RANBP2: variants seen among roughly 807,000 people sequenced by gnomAD.
The protein encoded by RANBP2 is RAN binding protein 2.
RANBP2 carries 57 observed loss-of-function variants against 303.6 expected under a neutral mutation model. The ratio of observed to expected loss-of-function variants is 0.19; its 90% CI spans 0.15 to 0.23. The LOEUF (loss-of-function observed/expected upper bound fraction) is 0.23. Ranked by LOEUF, RANBP2 falls within the 10% of genes least tolerant of loss-of-function variation. The probability of loss-of-function intolerance (pLI) is 1.00; values close to 1 mark genes in which losing one functional copy is unlikely to be tolerated. For synonymous variants in RANBP2, 1,167 were observed against 1,301.5 expected (o/e 0.90, Z 2.23); for missense variants, 3,138 against 3,780.8 (o/e 0.83, Z 4.46).
chr2:109,616,337 A>C, the RANBP2 span: 3 of 293,584 alleles, frequency 1.0e-5, no homozygotes, highest in Non-Finnish European at 1.9e-5. Flanking sequence ...ATGTATCTAA[A>C]TTGGGGGAAC....
At chr2:109,296,071 C>G in the RANBP2 span, among the ~76,000 whole-genome samples, 1 of 152,100 alleles carries the variant, frequency 6.6e-6, no homozygotes, top group Non-Finnish European at 1.5e-5. Context: ...CCCTTCCCTG[C>G]CCCAGCCAGG....
At chr2:109,307,654 A>G in the RANBP2 span, among the ~76,000 whole-genome samples, 12 of 139,376 alleles carry the variant, frequency 8.6e-5, no homozygotes, top group East Asian at 1.4e-3. Flanking sequence ...ATTCCCACCT[A>G]TGAGTGAGAA....
chr2:108,887,339 G>A, the RANBP2 span, among the ~76,000 whole-genome samples: 25 of 152,130 alleles, frequency 1.6e-4, no homozygotes, highest in Middle Eastern at 3.4e-3. Context: ...TTGTCTTTTC[G>A]TTCAGGATGA....
intron 1 of RANBP2, 48 bp downstream of exon 1, chr2:108,719,726 G>C (rs1251527500): frequency 6.4e-7 from 1 of 1,554,846 alleles, no homozygotes; most frequent in Non-Finnish European, 8.7e-7. Flanking sequence ...GCCGGGCGGC[G>C]GCCTCGCGCT....
the RANBP2 span, among the ~76,000 whole-genome samples, chr2:109,064,315 G>A: frequency 2.0e-5 from 3 of 151,970 alleles, no homozygotes; most frequent in Non-Finnish European, 4.4e-5. Context: ...AATTAGCCGG[G>A]CATGGTGTCG....
At chr2:109,289,440 T>G in the RANBP2 span, among the ~76,000 whole-genome samples, 356 of 152,324 alleles carry the variant, frequency 2.3e-3, 1 homozygote, top group African/African-American at 8.2e-3. Flanking sequence ...GATTTCTTGA[T>G]GCTACATGTC....
At chr2:108,806,219 T>C in the RANBP2 span, among the ~76,000 whole-genome samples, 13 of 152,206 alleles carry the variant, frequency 8.5e-5, no homozygotes, top group African/African-American at 2.7e-4. Context: ...TCCCACTTTA[T>C]CCATGGAGAG....
At chr2:109,321,897 C>T in the RANBP2 span, among the ~76,000 whole-genome samples, 1 of 152,178 alleles carries the variant, frequency 6.6e-6, no homozygotes, top group African/African-American at 2.4e-5. Flanking sequence ...CCAGTGTGGT[C>T]AGGACTTCAG....
chr2:109,455,757 G>T, the RANBP2 span, among the ~76,000 whole-genome samples: 83,756 of 152,026 alleles, frequency 0.55, 23,313 homozygotes, highest in Admixed American at 0.56. Flanking sequence ...ACAGGCAGCC[G>T]GGGAAGCCAG....
At chr2:109,479,791 C>T in the RANBP2 span, among the ~76,000 whole-genome samples, 18 of 152,324 alleles carry the variant, frequency 1.2e-4, no homozygotes, top group South Asian at 2.1e-4. Flanking sequence ...TGCAATTCTA[C>T]GGGTTTCGCA....
At chr2:108,812,624 C>T in the RANBP2 span, 3 of 1,606,144 alleles carry the variant, frequency 1.9e-6, no homozygotes, top group Admixed American at 1.7e-5. Flanking sequence ...CTTTTTCTAC[C>T]CTTTAGTTAA....
the RANBP2 span, among the ~76,000 whole-genome samples, chr2:109,312,304 G>A: frequency 6.6e-6 from 1 of 152,150 alleles, no homozygotes; most frequent in African/African-American, 2.4e-5. Flanking sequence ...CTTCCCACTC[G>A]AGGTTGGCTT....
the RANBP2 span, chr2:108,884,453 A>G: frequency 6.6e-6 from 1 of 152,258 alleles, no homozygotes; most frequent in Non-Finnish European, 1.5e-5. Flanking sequence ...AACCTCTGAG[A>G]CAGTGAATAT....
the RANBP2 span, among the ~76,000 whole-genome samples, chr2:109,296,132 C>T: frequency 3.9e-5 from 6 of 152,240 alleles, no homozygotes; most frequent in East Asian, 7.7e-4. Context: ...TACGTCTGTG[C>T]GCAGCCCCCA....
the RANBP2 span, among the ~76,000 whole-genome samples, chr2:109,693,863 G>A: frequency 6.6e-6 from 1 of 152,194 alleles, no homozygotes; most frequent in Non-Finnish European, 1.5e-5. Context: ...CTGAGGCTGT[G>A]TCATGGGTGC....
the RANBP2 span, chr2:108,873,630 C>T: frequency 1.4e-6 from 2 of 1,410,048 alleles, no homozygotes; most frequent in Non-Finnish European, 9.8e-7. Context: ...TTGAAAAATA[C>T]CTTACTGTGA....
At chr2:109,087,298 C>T in the RANBP2 span, among the ~76,000 whole-genome samples, 1 of 152,170 alleles carries the variant, frequency 6.6e-6, no homozygotes, top group Non-Finnish European at 1.5e-5. Context: ...GGTGGACTCT[C>T]TCTTGTGTTT....
chr2:108,720,435 G>A (rs932531581), intron 1 of RANBP2, among the ~76,000 whole-genome samples: 1 of 152,022 alleles, frequency 6.6e-6, no homozygotes, highest in African/African-American at 2.4e-5. Context: ...AATGTTTTAA[G>A]GGTATTTTTC....
chr2:109,011,264 G>A, the RANBP2 span, among the ~76,000 whole-genome samples: 1 of 152,160 alleles, frequency 6.6e-6, no homozygotes, highest in Non-Finnish European at 1.5e-5. Context: ...GAATTCATAG[G>A]CTGTGAATGT....
Sources: allele counts gnomAD v4.1 joint callset (sites outside exome capture counted in the v4.1 genomes callset), GRCh38; gene constraint gnomAD v4.1.1; transcripts MANE v1.5; gene names NCBI Gene and HGNC (gene_info 2026-07-23, HGNC 2026-07-21).